Variants in WDR1 observed in about 807,000 individuals in gnomAD.
WDR1 encodes the protein WD repeat-containing protein 1.
In WDR1, 21 loss-of-function variants were observed where a neutral mutation model predicts 71.9. That is an observed-to-expected ratio of 0.29 (90% CI 0.21 to 0.42). The LOEUF is 0.42. Among genes scored for constraint, WDR1 ranks in the 10% least tolerant of loss-of-function variants. The pLI, the probability that WDR1 is intolerant of heterozygous loss-of-function variation, is 1.00. For synonymous variants in WDR1, 424 were observed against 347.4 expected, an observed-to-expected ratio of 1.22 and a Z score of -2.45; for missense variants, 696 against 824.5, an observed-to-expected ratio of 0.84 and a Z score of 1.91.
At chr4:10,084,300 T>C in intron 9 of WDR1, 143 bp downstream of exon 9, 1 of 713,044 alleles carries the variant, frequency 1.4e-6, no homozygotes, top group East Asian at 2.8e-5. Context: ...AGGCCACCCC[T>C]AGAAGCCACA....
At position 10,077,419 on chromosome 4, in the gene WDR1, T is replaced by C; in HGVS notation, c.1599A>G (p.Ala533=). 1 of 1,613,994 alleles carries C rather than the reference T, an allele frequency of 6.2e-7. No individual in the cohort carries two copies. The highest frequency in any genetic ancestry group is 1.1e-5 in the South Asian group (1 of 91,088). The part of the protein sequence containing the change: ...SENNVFYGHH[A]KIVCLAWSPD... ...GGGACCAGGCCAGGCAGACGATTTT[T>C]GCATGGTGTCCATAAAAAACATTGT... Residue 533 remains alanine (A), a synonymous_variant, in exon 14 of 15, where the codon GCA becomes GCG. Coordinates refer to ENST00000499869, the MANE Select transcript of WDR1 (RefSeq NM_017491.5).
At chr4:10,092,613 T>C in intron 5 of WDR1, 1 of 228,664 alleles carries the variant, frequency 4.4e-6, no homozygotes, top group East Asian at 1.1e-4. Context: ...CCCCATCACC[T>C]TTTCCTGCAC....
rs75991895 is a variant in WDR1, at chr4:10,085,296, T to C, written c.952-766A>G. On this transcript the variant is annotated intron_variant, in intron 8 of 14. Transcript: ENST00000499869. Reference sequence around the variant, plus strand: ...GCAGGAATTCTTGATCTCTGTGGTATGCCACATGTTGCCACAATATGGCAT... The same window carrying C: ...GCAGGAATTCTTGATCTCTGTGGTACGCCACATGTTGCCACAATATGGCAT... 5.9e-5 allele frequency among the ~76,000 whole-genome samples: 9 copies of C among 152,392 alleles called. No individual in the cohort carries two copies. The East Asian group carries it at 1.7e-3, about 29-fold the overall frequency.
At chr4:10,088,004 AG>A in intron 7 of WDR1, 64 bp from the exon 8 acceptor site, 1 of 1,446,376 alleles carries the variant, frequency 6.9e-7, no homozygotes, top group Non-Finnish European at 9.3e-7. Flanking sequence ...GACCCCAAAA[AG>A]CAGCTTGTCC....
chr4:10,116,387 G>A (rs1713733118), intron 1 of WDR1, 153 bp from the exon 2 acceptor site: 5 of 1,187,248 alleles, frequency 4.2e-6, no homozygotes, highest in Admixed American at 2.5e-5. Context: ...GGAACCGCGC[G>A]ACTTCCTGGT....
intron 1 of WDR1, 126 bp from the exon 2 acceptor site, chr4:10,116,360 A>G (rs759350848): frequency 7.2e-7 from 1 of 1,394,242 alleles, no homozygotes; most frequent in South Asian, 1.3e-5. Context: ...GGCGGCCTCC[A>G]CTTTCCACGA....
In WDR1 at chr4:10,078,987, C is replaced by A; in HGVS notation, c.1299G>T (p.Lys433Asn). 6.2e-7 allele frequency: 1 copy of A among 1,607,774 alleles called. No individual in the cohort carries two copies. Among genetic ancestry groups the A allele is most frequent in the South Asian group, 1.1e-5 (1 of 90,344 alleles). The change falls in exon 12 of 15, where the codon AAG becomes AAT. Residue 433 changes from lysine (K) to asparagine (N), a missense_variant. Lys to Asn is a moderately conservative substitution (Grantham distance 94). Coordinates refer to ENST00000499869, the MANE Select transcript of WDR1 (RefSeq NM_017491.5). ...CGATGCTGAAGCACTTCCTCTGATC[C>A]TTCAGCAGGACAATCTGTGGCACAC... ...VVCIGQIVLL[K>N]DQRKCFSIDN...
At chr4:10,106,716 T>G (rs990914082) in intron 2 of WDR1, among the ~76,000 whole-genome samples, 4 of 152,212 alleles carry the variant, frequency 2.6e-5, no homozygotes, top group Non-Finnish European at 5.9e-5. Flanking sequence ...TGCCAGCTGA[T>G]GAATCACTCA....
At chr4:10,076,868 A>G (rs1764816306) in intron 14 of WDR1, 1 of 168,138 alleles carries the variant, frequency 5.9e-6, no homozygotes, top group African/African-American at 2.4e-5. Flanking sequence ...GGGAGAAATG[A>G]TGACATGCGG....
In WDR1 at chr4:10,075,392, T is replaced by C. The variant is rs1250721868; in HGVS notation, c.1807A>G (p.Thr603Ala). The C allele has an allele frequency of 6.2e-7, 1 of 1,613,858 alleles. No homozygotes were observed. The highest frequency in any genetic ancestry group is 2.2e-5 in the East Asian group (1 of 44,882). Residue 603 changes from threonine (T) to alanine (A), a missense_variant, in exon 15 of 15, where the codon ACA becomes GCA. Thr to Ala is a moderately conservative substitution (Grantham distance 58). Coordinates refer to ENST00000499869, the MANE Select transcript of WDR1 (RefSeq NM_017491.5). The stretch of plus-strand genomic sequence containing the variant: ...GGTGGGGCTCCTCAGTAGGTGATTG[T>C]CCACTCCTTGACAGAGGCATCATGG... ...TSHDASVKEW[T>A]ITY
intron 11 of WDR1, among the ~76,000 whole-genome samples, chr4:10,079,865 T>C (rs556001349): frequency 1.3e-5 from 2 of 152,192 alleles, no homozygotes; most frequent in Non-Finnish European, 2.9e-5. Flanking sequence ...CCTTACCTAC[T>C]CACAGGTGAA....
At chr4:10,094,348 A>G (rs1328661726) in intron 5 of WDR1, among the ~76,000 whole-genome samples, 1 of 152,234 alleles carries the variant, frequency 6.6e-6, no homozygotes, top group Non-Finnish European at 1.5e-5. Flanking sequence ...GACCGGAGGA[A>G]GCGGATGGCC....
chr4:10,086,202 C>G (rs552358177), intron 8 of WDR1, among the ~76,000 whole-genome samples: 5 of 152,222 alleles, frequency 3.3e-5, no homozygotes, highest in Admixed American at 3.3e-4. Flanking sequence ...AGCATGGTCT[C>G]GACAAGAGCC....
At chr4:10,088,506 T>C (rs763962319) in intron 6 of WDR1, 133 bp from the exon 7 acceptor site, 21 of 1,128,490 alleles carry the variant, frequency 1.9e-5, no homozygotes, top group Non-Finnish European at 2.6e-5. Flanking sequence ...AAAGCAGACA[T>C]GCATTTACTG....
At chr4:10,097,260 C>T (rs1416386889) in intron 5 of WDR1, among the ~76,000 whole-genome samples, 6 of 152,270 alleles carry the variant, frequency 3.9e-5, no homozygotes, top group African/African-American at 7.2e-5. Flanking sequence ...GTCTTCTAAC[C>T]GTTTGTCACT....
chr4:10,081,668 G>GT (rs1185819562), intron 10 of WDR1, among the ~76,000 whole-genome samples: 2 of 136,156 alleles, frequency 1.5e-5, no homozygotes, highest in Non-Finnish European at 3.2e-5. Context: ...AGGGGTGGGG[G>GT]GGGGGGAAGG....
intron 2 of WDR1, among the ~76,000 whole-genome samples, chr4:10,114,122 C>G (rs1713562952): frequency 6.6e-6 from 1 of 152,162 alleles, no homozygotes; most frequent in Admixed American, 6.5e-5. Context: ...ATCCAACTAA[C>G]AAGAGACTCA....
chr4:10,081,314 C>G (rs1438601823), intron 11 of WDR1, 43 bp downstream of exon 11: 1 of 1,592,258 alleles, frequency 6.3e-7, no homozygotes. Flanking sequence ...GCAGGCACCA[C>G]ACAGCTGCAG....
Position 10,088,553 on chromosome 4 carries a change from A to G in WDR1, c.636+111T>C, listed in dbSNP as rs1014344088. 6 of 1,157,364 alleles carry G rather than the reference A, an allele frequency of 5.2e-6. No individual in the cohort carries two copies. In the African/African-American group the frequency reaches 7.7e-5, roughly 15 times the overall value. 71.7% of individuals were successfully genotyped at this position (1,157,364 alleles called of 1,614,324 possible). A position where few individuals can be genotyped will look rare whatever the true frequency, so the allele number is the denominator to read the frequency against. On this transcript the variant is annotated intron_variant, in intron 6 of 14. Transcript: ENST00000499869. ...CGAGTCTGCAGATGTGGGGAGGGCG[A>G]TGTCTAAGTTCTGCATGTCAGGACT...
Sources: gnomAD v4.1 joint callset for allele counts (sites outside exome capture counted in the v4.1 genomes callset) on GRCh38, gnomAD v4.1.1 for gene constraint, MANE v1.5 for transcripts, NCBI Gene and HGNC (gene_info 2026-07-23, HGNC 2026-07-21) for gene names.